The following ARB2A variants were observed in gnomAD, a reference collection of about 807,000 sequenced individuals.
ARB2A encodes the protein cotranscriptional regulator ARB2A.
the ARB2A span, among the ~76,000 whole-genome samples, chr5:93,810,423 G>T: frequency 6.6e-6 from 1 of 152,036 alleles, no homozygotes. Context: ...TGCTTTTGGA[G>T]ACAGGGTCTG....
the ARB2A span, among the ~76,000 whole-genome samples, chr5:93,628,694 C>T: frequency 6.6e-6 from 1 of 152,220 alleles, no homozygotes; most frequent in Non-Finnish European, 1.5e-5. Context: ...TTCCTTAAAT[C>T]TCATGAACCA....
chr5:93,832,277 C>T, the ARB2A span, among the ~76,000 whole-genome samples: 1 of 152,098 alleles, frequency 6.6e-6, no homozygotes, highest in African/African-American at 2.4e-5. Context: ...AAATCTTATA[C>T]CCCACAGAAG....
At chr5:93,724,712 A>T in the ARB2A span, among the ~76,000 whole-genome samples, 2 of 152,064 alleles carry the variant, frequency 1.3e-5, no homozygotes, top group Non-Finnish European at 2.9e-5. Context: ...AATCATGGAT[A>T]GTACCAAACC....
At chr5:93,958,852 C>A in the ARB2A span, 2 of 1,607,510 alleles carry the variant, frequency 1.2e-6, no homozygotes, top group East Asian at 2.2e-5. Flanking sequence ...TTCTAGCCCA[C>A]TGCCCTGCCC....
At chr5:94,044,671 G>C in the ARB2A span, among the ~76,000 whole-genome samples, 1 of 152,108 alleles carries the variant, frequency 6.6e-6, no homozygotes, top group South Asian at 2.1e-4. Flanking sequence ...AGATGGTTAA[G>C]ACATTCTAAG....
At chr5:94,074,353 C>T in the ARB2A span, among the ~76,000 whole-genome samples, 1 of 151,970 alleles carries the variant, frequency 6.6e-6, no homozygotes, top group Non-Finnish European at 1.5e-5. Flanking sequence ...AAGGTAAAGG[C>T]ACTAGCCTTG....
At chr5:94,106,839 A>C in the ARB2A span, among the ~76,000 whole-genome samples, 73 of 141,258 alleles carry the variant, frequency 5.2e-4, no homozygotes, top group Admixed American at 4.0e-3. Flanking sequence ...ACATGGATGG[A>C]GCTTCACATT....
chr5:93,909,854 G>A, the ARB2A span, among the ~76,000 whole-genome samples: 2 of 150,126 alleles, frequency 1.3e-5, no homozygotes, highest in African/African-American at 4.9e-5. Flanking sequence ...TCTTAAAGAG[G>A]GTTTTAAAAA....
At chr5:93,927,039 GAA>G in the ARB2A span, among the ~76,000 whole-genome samples, 11 of 125,682 alleles carry the variant, frequency 8.8e-5, no homozygotes, top group East Asian at 9.0e-4. Context: ...GAATGTGCCA[GAA>G]AAAAAAAAAA....
the ARB2A span, among the ~76,000 whole-genome samples, chr5:93,700,488 G>A: frequency 6.6e-6 from 1 of 151,686 alleles, no homozygotes; most frequent in Non-Finnish European, 1.5e-5. Flanking sequence ...GTCAGAATAG[G>A]ATAAAGGAAT....
chr5:94,052,832 C>T, the ARB2A span, among the ~76,000 whole-genome samples: 11 of 152,190 alleles, frequency 7.2e-5, 1 homozygote, highest in South Asian at 2.3e-3. Context: ...GGGAGTTGAA[C>T]GCTCAAGGTT....
chr5:93,973,777 A>G, the ARB2A span, among the ~76,000 whole-genome samples: 27 of 152,348 alleles, frequency 1.8e-4, no homozygotes, highest in African/African-American at 4.8e-4. Flanking sequence ...CTTTAAGAAA[A>G]GAAATTTCTG....
the ARB2A span, among the ~76,000 whole-genome samples, chr5:94,053,715 T>G: frequency 6.6e-6 from 1 of 152,232 alleles, no homozygotes; most frequent in Admixed American, 6.5e-5. Context: ...GTTTCTGTTC[T>G]TCACATCATT....
the ARB2A span, among the ~76,000 whole-genome samples, chr5:93,908,008 T>C: frequency 6.6e-6 from 1 of 151,254 alleles, no homozygotes; most frequent in African/African-American, 2.4e-5. Flanking sequence ...CCAGAAATGG[T>C]ATATTTTGCT....
the ARB2A span, chr5:93,619,223 T>C: frequency 6.6e-6 from 1 of 152,206 alleles, no homozygotes; most frequent in Non-Finnish European, 1.5e-5. Flanking sequence ...GTGCTTGATG[T>C]TGTTGGGGTT....
the ARB2A span, among the ~76,000 whole-genome samples, chr5:93,858,149 C>T: frequency 1.3e-5 from 2 of 152,152 alleles, no homozygotes; most frequent in Non-Finnish European, 2.9e-5. Flanking sequence ...TGCGTAATTG[C>T]TCCAGCAACA....
At chr5:93,764,043 A>T in the ARB2A span, among the ~76,000 whole-genome samples, 1 of 152,242 alleles carries the variant, frequency 6.6e-6, no homozygotes, top group Non-Finnish European at 1.5e-5. Flanking sequence ...GGACACATTC[A>T]AAGCAGTGTG....
chr5:93,825,249 T>G, the ARB2A span, among the ~76,000 whole-genome samples: 1 of 152,196 alleles, frequency 6.6e-6, no homozygotes, highest in Non-Finnish European at 1.5e-5. Context: ...TTGAGATGTC[T>G]ATATGTCAGC....
At chr5:93,938,102 G>C in the ARB2A span, among the ~76,000 whole-genome samples, 252 of 152,180 alleles carry the variant, frequency 1.7e-3, no homozygotes, top group African/African-American at 4.8e-3. Flanking sequence ...ATACAGATTT[G>C]AGCATCACAA....
Sources: gnomAD v4.1 joint callset for allele counts (sites outside exome capture counted in the v4.1 genomes callset) on GRCh38, gnomAD v4.1.1 for gene constraint, MANE v1.5 for transcripts, NCBI Gene and HGNC (gene_info 2026-07-23, HGNC 2026-07-21) for gene names.